The following EXOC6B variants were observed in gnomAD, a reference collection of about 807,000 sequenced individuals.
The protein encoded by EXOC6B is exocyst complex component 6B.
A neutral mutation model predicts 113.5 loss-of-function variants in EXOC6B; 54 were observed. That is an observed-to-expected ratio of 0.48 (90% CI 0.38 to 0.60). The LOEUF (loss-of-function observed/expected upper bound fraction) is 0.60, where lower values mean the gene tolerates loss of function less well. Among genes scored for constraint, EXOC6B ranks in the 20% least tolerant of loss-of-function variants. The pLI is 0.00. For synonymous variants in EXOC6B, 357 were observed against 339.0 expected, an observed-to-expected ratio of 1.05 and a Z score of -0.58; for missense variants, 797 against 977.5, an observed-to-expected ratio of 0.82 and a Z score of 2.46.
intron 1 of EXOC6B, among the ~76,000 whole-genome samples, chr2:72,768,135 A>AAAG (rs1282304994): frequency 1.7e-4 from 25 of 149,370 alleles, no homozygotes; most frequent in Admixed American, 1.3e-3. Flanking sequence ...AAAAAAAAAA[A>AAAG]AAAGAAAGAA....
At chr2:72,733,767 A>G (rs577722419) in intron 2 of EXOC6B, among the ~76,000 whole-genome samples, 6 of 152,210 alleles carry the variant, frequency 3.9e-5, no homozygotes, top group Non-Finnish European at 8.8e-5. Flanking sequence ...GATGGAAAAA[A>G]TTAATTATAT....
At chr2:72,754,616 CTT>C (rs780607610) in intron 1 of EXOC6B, among the ~76,000 whole-genome samples, 13 of 135,214 alleles carry the variant, frequency 9.6e-5, no homozygotes, top group East Asian at 2.1e-4. Flanking sequence ...TTTTTTTTTT[CTT>C]TTTTTTTTTT....
intron 19 of EXOC6B, among the ~76,000 whole-genome samples, chr2:72,336,193 T>C (rs542929555): frequency 1.3e-5 from 2 of 152,320 alleles, no homozygotes; most frequent in South Asian, 4.1e-4. Context: ...TTCTATCCAG[T>C]ACTGAATTTA....
At chr2:72,244,214 C>T (rs1160825686) in intron 20 of EXOC6B, among the ~76,000 whole-genome samples, 3 of 151,958 alleles carry the variant, frequency 2.0e-5, no homozygotes, top group Non-Finnish European at 2.9e-5. Context: ...CTAATAATGC[C>T]ATAATGGAGC....
intron 1 of EXOC6B, among the ~76,000 whole-genome samples, chr2:72,807,434 T>C (rs529963793): frequency 6.6e-4 from 101 of 152,290 alleles, no homozygotes; most frequent in African/African-American, 2.3e-3. Flanking sequence ...CCCTGTAGTA[T>C]AGTTTGAAGT....
At position 72,801,220 on chromosome 2, in the gene EXOC6B, T is replaced by C. The variant is rs139315548; in HGVS notation, c.113+24578A>G. Reference sequence around the variant, plus strand: ...TATAGAAAGAAAACATTAGCATCCCTGCTCTATCAATAACTGTACCTTGTC... The same window carrying C: ...TATAGAAAGAAAACATTAGCATCCCCGCTCTATCAATAACTGTACCTTGTC... On this transcript the variant is annotated intron_variant, in intron 1 of 21. Transcript: ENST00000272427. 2.6e-5 allele frequency among the ~76,000 whole-genome samples: 4 copies of C among 152,324 alleles called. No individual in the cohort carries two copies. The East Asian group carries it at 5.8e-4, about 22-fold the overall frequency.
At chr2:72,217,099 CCT>C (rs1559026426) in intron 20 of EXOC6B, among the ~76,000 whole-genome samples, 2 of 151,848 alleles carry the variant, frequency 1.3e-5, no homozygotes, top group African/African-American at 4.8e-5. Flanking sequence ...GGTATTCTCC[CCT>C]CTCCTATTTT....
chr2:72,587,531 A>T (rs928587049), intron 6 of EXOC6B, among the ~76,000 whole-genome samples: 5 of 152,178 alleles, frequency 3.3e-5, no homozygotes, highest in Non-Finnish European at 5.9e-5. Context: ...ACGTGTAACA[A>T]ACCTGCACGT....
At chr2:72,776,103 C>T (rs1683686394) in intron 1 of EXOC6B, among the ~76,000 whole-genome samples, 1 of 152,112 alleles carries the variant, frequency 6.6e-6, no homozygotes, top group Admixed American at 6.6e-5. Flanking sequence ...CACATACACA[C>T]ACACATATAT....
chr2:72,310,154 A>T (rs1687100839), intron 20 of EXOC6B, among the ~76,000 whole-genome samples: 1 of 152,174 alleles, frequency 6.6e-6, no homozygotes, highest in Non-Finnish European at 1.5e-5. Flanking sequence ...GTATATGTCC[A>T]GGAAGGACAT....
At chr2:72,242,629 A>G (rs1325167815) in intron 20 of EXOC6B, among the ~76,000 whole-genome samples, 1 of 152,256 alleles carries the variant, frequency 6.6e-6, no homozygotes, top group African/African-American at 2.4e-5. Context: ...TATTAATCCA[A>G]CAATATCAAT....
At chr2:72,557,542 C>T (rs1177814947) in intron 8 of EXOC6B, among the ~76,000 whole-genome samples, 1 of 151,994 alleles carries the variant, frequency 6.6e-6, no homozygotes, top group African/African-American at 2.4e-5. Flanking sequence ...CAAACTAATG[C>T]AGGAACAGAA....
chr2:72,540,396 T>C (rs1336145499), intron 8 of EXOC6B, among the ~76,000 whole-genome samples: 3 of 152,176 alleles, frequency 2.0e-5, no homozygotes, highest in African/African-American at 7.2e-5. Context: ...ATTCACGTTG[T>C]TAATATTTTG....
chr2:72,254,176 G>A (rs561466798), intron 20 of EXOC6B, among the ~76,000 whole-genome samples: 1 of 152,016 alleles, frequency 6.6e-6, no homozygotes, highest in East Asian at 1.9e-4. Context: ...AAAAAGATAT[G>A]TTCAAGTCTT....
At chr2:72,390,076 C>T (rs1288093245) in intron 18 of EXOC6B, among the ~76,000 whole-genome samples, 2 of 152,142 alleles carry the variant, frequency 1.3e-5, no homozygotes, top group East Asian at 1.9e-4. Context: ...CAGAGCGAGA[C>T]TCTGTCTCAA....
chr2:72,671,807 GA>G (rs370111927), intron 6 of EXOC6B, among the ~76,000 whole-genome samples: 2 of 117,230 alleles, frequency 1.7e-5, no homozygotes, highest in African/African-American at 5.9e-5. Context: ...AAGAAAGAAA[GA>G]AAGAAAGAAA....
At position 72,727,187 on chromosome 2, in the gene EXOC6B, A is replaced by C. The variant is rs141094179; in HGVS notation, c.464+3820T>G. 4.1e-3 allele frequency among the ~76,000 whole-genome samples: 629 copies of C among 152,324 alleles called. 3 individuals carry two copies. Among genetic ancestry groups the C allele is most frequent in the African/African-American group, 0.015 (605 of 41,584 alleles). On this transcript the variant is annotated intron_variant, in intron 5 of 21. Coordinates refer to ENST00000272427, the MANE Select transcript of EXOC6B (RefSeq NM_015189.3). ...TGAAATATAGAAATTGATTTTTTAAAAAGATAAGAATACACAGAAGGAACA... is the reference window on the plus strand; with the variant it reads ...TGAAATATAGAAATTGATTTTTTAACAAGATAAGAATACACAGAAGGAACA...
chr2:72,493,861 ATGCAGCGGTTTCTCTTGTTT>A (rs1406391398), intron 15 of EXOC6B, among the ~76,000 whole-genome samples: 1 of 152,118 alleles, frequency 6.6e-6, no homozygotes, highest in Non-Finnish European at 1.5e-5. Context: ...TAAAATCTGA[ATGCAGCGGTTTCTCTTGTTT>A]TGAGAGCCTG....
intron 18 of EXOC6B, among the ~76,000 whole-genome samples, chr2:72,449,296 C>A (rs146931591): frequency 6.6e-6 from 1 of 151,880 alleles, no homozygotes; most frequent in African/African-American, 2.4e-5. Context: ...CATTGTCCTG[C>A]CTCAGCCTCC....
Sources: gnomAD v4.1 joint callset for allele counts (sites outside exome capture counted in the v4.1 genomes callset) on GRCh38, gnomAD v4.1.1 for gene constraint, MANE v1.5 for transcripts, NCBI Gene and HGNC (gene_info 2026-07-23, HGNC 2026-07-21) for gene names.